ARHGAP10: variants seen among roughly 807,000 people sequenced by gnomAD.
ARHGAP10 encodes rho GTPase-activating protein 10.
Under a neutral mutation model 108.6 loss-of-function variants are expected in ARHGAP10, and 87 were observed. That is an observed-to-expected ratio of 0.80 (90% CI 0.67 to 0.96). The LOEUF (loss-of-function observed/expected upper bound fraction) is 0.96, where lower values mean the gene tolerates loss of function less well. Ranked by LOEUF, ARHGAP10 falls within the 40% of genes least tolerant of loss-of-function variation. The pLI is 0.00. For missense variants in ARHGAP10, 939 were observed against 954.5 expected (o/e 0.98, Z 0.21); for synonymous variants, 347 against 341.1 (o/e 1.02, Z -0.19).
intron 1 of ARHGAP10, among the ~76,000 whole-genome samples, chr4:147,771,545 C>T (rs1384854476): frequency 6.6e-6 from 1 of 152,166 alleles, no homozygotes; most frequent in East Asian, 1.9e-4. Context: ...TACTAGGTGG[C>T]ACAATTTTTT....
chr4:148,068,504 A>G (rs969617360), intron 22 of ARHGAP10, among the ~76,000 whole-genome samples: 1 of 152,226 alleles, frequency 6.6e-6, no homozygotes, highest in Non-Finnish European at 1.5e-5. Context: ...AGAAAAAAAT[A>G]TCGAGTGAAA....
At chr4:148,019,003 T>G (rs565970271) in intron 18 of ARHGAP10, among the ~76,000 whole-genome samples, 56 of 152,356 alleles carry the variant, frequency 3.7e-4, no homozygotes, top group African/African-American at 1.3e-3. Context: ...GTTAAATGTA[T>G]TCAATGAATT....
intron 1 of ARHGAP10, among the ~76,000 whole-genome samples, chr4:147,736,386 G>T (rs1264701940): frequency 1.3e-5 from 2 of 151,946 alleles, no homozygotes; most frequent in Non-Finnish European, 2.9e-5. Flanking sequence ...ATTCTTTTGG[G>T]GAAATTTCTT....
At chr4:147,747,493 C>G (rs1728982919) in intron 1 of ARHGAP10, among the ~76,000 whole-genome samples, 1 of 152,228 alleles carries the variant, frequency 6.6e-6, no homozygotes. Flanking sequence ...TAGCCCTTGT[C>G]TTCCCTTCAG....
chr4:147,951,396 A>T, intron 15 of ARHGAP10, among the ~76,000 whole-genome samples: 1 of 113,006 alleles, frequency 8.8e-6, no homozygotes. Context: ...AGGCTGTGGT[A>T]TAGTTGATTT....
chr4:147,785,539 G>A (rs1190895081), intron 1 of ARHGAP10, among the ~76,000 whole-genome samples: 1 of 152,138 alleles, frequency 6.6e-6, no homozygotes, highest in Non-Finnish European at 1.5e-5. Flanking sequence ...ATGGGTGTAT[G>A]TATATGATAT....
intron 15 of ARHGAP10, among the ~76,000 whole-genome samples, chr4:147,952,452 T>C (rs535641209): frequency 6.6e-6 from 1 of 152,330 alleles, no homozygotes; most frequent in East Asian, 1.9e-4. Context: ...TTAGCCATCG[T>C]AATAGGTATT....
chr4:147,821,303 T>A (rs78223604), intron 1 of ARHGAP10, among the ~76,000 whole-genome samples: 2,422 of 152,244 alleles, frequency 0.016, 62 homozygotes, highest in South Asian at 0.057. Flanking sequence ...AATAGATGAG[T>A]TTCCATGGGA....
chr4:147,816,544 T>A (rs2126778907), intron 1 of ARHGAP10, among the ~76,000 whole-genome samples: 1 of 152,330 alleles, frequency 6.6e-6, no homozygotes, highest in East Asian at 1.9e-4. Context: ...AGGAATGCTT[T>A]ACCAGAATAG....
intron 18 of ARHGAP10, among the ~76,000 whole-genome samples, chr4:148,004,152 CT>C (rs1740850198): frequency 6.6e-6 from 1 of 152,154 alleles, no homozygotes; most frequent in Non-Finnish European, 1.5e-5. Context: ...GCCCAGGAGT[CT>C]GAATCCAGTC....
intron 18 of ARHGAP10, among the ~76,000 whole-genome samples, chr4:147,972,227 A>G (rs1242564656): frequency 3.9e-5 from 6 of 152,174 alleles, no homozygotes; most frequent in Admixed American, 6.5e-5. Flanking sequence ...TATTTATTGG[A>G]TGCTCATGAT....
At chr4:147,899,299 A>G (rs546668542) in intron 10 of ARHGAP10, among the ~76,000 whole-genome samples, 1 of 151,802 alleles carries the variant, frequency 6.6e-6, no homozygotes, top group Admixed American at 6.6e-5. Context: ...CATGGATGAA[A>G]GCAGCTGGGG....
At chr4:147,785,062 A>C (rs1579044001) in intron 1 of ARHGAP10, among the ~76,000 whole-genome samples, 1 of 127,028 alleles carries the variant, frequency 7.9e-6, no homozygotes, top group Middle Eastern at 4.8e-3. Flanking sequence ...AAGATGATGA[A>C]ATGTATGGAC....
intron 1 of ARHGAP10, among the ~76,000 whole-genome samples, chr4:147,754,321 G>T (rs1729283015): frequency 1.3e-5 from 2 of 152,200 alleles, no homozygotes; most frequent in Non-Finnish European, 2.9e-5. Flanking sequence ...TGCTATTGTA[G>T]TTCCTCTTGC....
intron 19 of ARHGAP10, among the ~76,000 whole-genome samples, chr4:148,029,315 C>T (rs1728030465): frequency 6.6e-6 from 1 of 152,112 alleles, no homozygotes; most frequent in Non-Finnish European, 1.5e-5. Flanking sequence ...CTAGTGAGAC[C>T]CTTCATTAGA....
intron 18 of ARHGAP10, among the ~76,000 whole-genome samples, chr4:148,020,895 G>A (rs1170772795): frequency 6.6e-6 from 1 of 152,096 alleles, no homozygotes; most frequent in Non-Finnish European, 1.5e-5. Context: ...CACAGTGGTT[G>A]AACTCATTTA....
chr4:147,946,589 AT>A (rs747813897), intron 14 of ARHGAP10, 27 bp from the exon 15 acceptor site: 8 of 1,597,448 alleles, frequency 5.0e-6, no homozygotes, highest in African/African-American at 2.7e-5. Context: ...GGTTTTAATT[AT>A]TTTTTTCTTG....
intron 13 of ARHGAP10, among the ~76,000 whole-genome samples, chr4:147,913,909 T>C (rs925740872): frequency 6.6e-6 from 1 of 152,108 alleles, no homozygotes; most frequent in Non-Finnish European, 1.5e-5. Context: ...TCCCAGCACT[T>C]TGGGAGGCTG....
At chr4:148,022,490 TG>T (rs1178367518) in intron 18 of ARHGAP10, among the ~76,000 whole-genome samples, 2 of 152,222 alleles carry the variant, frequency 1.3e-5, no homozygotes, top group Admixed American at 1.3e-4. Context: ...GCCTCTGAAC[TG>T]GGGTCTCACA....
Sources: allele counts gnomAD v4.1 joint callset (sites outside exome capture counted in the v4.1 genomes callset), GRCh38; gene constraint gnomAD v4.1.1; transcripts MANE v1.5; gene names NCBI Gene and HGNC (gene_info 2026-07-23, HGNC 2026-07-21).